EEPD1: variants seen among roughly 807,000 people sequenced by gnomAD.
The protein encoded by EEPD1 is endonuclease/exonuclease/phosphatase family domain containing 1, also known as endonuclease/exonuclease/phosphatase family domain-containing protein 1.
EEPD1 carries 17 observed loss-of-function variants against 46.3 expected under a neutral mutation model. The observed-to-expected ratio is 0.37, with a 90% CI of 0.25 to 0.55. The LOEUF (loss-of-function observed/expected upper bound fraction) is 0.55, where lower values mean the gene tolerates loss of function less well. EEPD1 is among the 20% of genes least tolerant of loss of function. The probability of loss-of-function intolerance (pLI) is 0.83; values close to 1 mark genes in which losing one functional copy is unlikely to be tolerated. For synonymous variants in EEPD1, 313 were observed against 315.6 expected (o/e 0.99, Z 0.09); for missense variants, 673 against 745.6 (o/e 0.90, Z 1.13).
chr7:36,250,851 A>C (rs17274258), intron 3 of EEPD1, among the ~76,000 whole-genome samples: 12,707 of 152,170 alleles, frequency 0.084, 697 homozygotes, highest in East Asian at 0.19. Context: ...TCAGGTTCAT[A>C]CTTCTTGACA....
intron 1 of EEPD1, 143 bp from the exon 2 acceptor site, chr7:36,153,990 G>A: frequency 2.7e-6 from 1 of 368,354 alleles, no homozygotes; most frequent in Non-Finnish European, 5.0e-6. Flanking sequence ...CATGGGCCTA[G>A]CCTCATTGTG....
At chr7:36,186,482 T>C (rs1280765986) in intron 2 of EEPD1, among the ~76,000 whole-genome samples, 1 of 152,212 alleles carries the variant, frequency 6.6e-6, no homozygotes, top group Non-Finnish European at 1.5e-5. Flanking sequence ...ATGGAAGTCT[T>C]AGAGGATTCT....
chr7:36,210,907 C>T (rs371849853), intron 2 of EEPD1, among the ~76,000 whole-genome samples: 69 of 152,276 alleles, frequency 4.5e-4, no homozygotes, highest in African/African-American at 1.6e-3. Flanking sequence ...AGTGTGGTGG[C>T]TCAGAGCATA....
intron 2 of EEPD1, among the ~76,000 whole-genome samples, chr7:36,175,189 T>C (rs1028018574): frequency 2.2e-4 from 34 of 152,246 alleles, no homozygotes; most frequent in African/African-American, 8.2e-4. Context: ...GAGAAACCTT[T>C]AGGCTGAACT....
chr7:36,269,217 G>C (rs1787066639), intron 3 of EEPD1, among the ~76,000 whole-genome samples: 1 of 152,164 alleles, frequency 6.6e-6, no homozygotes, highest in Non-Finnish European at 1.5e-5. Context: ...AATACAGGTT[G>C]ATGTCAAGAC....
chr7:36,154,028 C>T lies in EEPD1; in HGVS notation c.-192-105C>T, dbSNP rs1246671752. On this transcript the variant is annotated intron_variant, in intron 1 of 7. Transcript: ENST00000242108. This position sits in a 1 kb window ranked among gnomAD's most constrained non-coding sequence, Gnocchi z 4.2. ...TGCGTTTTTAGGGGTTCACGGGCAGCCACCAGTCCCCGACTCCTGGTTACT... is the reference window on the plus strand; with the variant it reads ...TGCGTTTTTAGGGGTTCACGGGCAGTCACCAGTCCCCGACTCCTGGTTACT... The T allele has an allele frequency of 1.1e-5, 5 of 437,882 alleles. No individual in the cohort carries two copies. The highest frequency in any genetic ancestry group is 2.1e-5 in the Non-Finnish European group (5 of 242,128). The allele number at this position is 437,882 out of a possible 1,614,324, so 27.1% of individuals were successfully genotyped here. A position where few individuals can be genotyped will look rare whatever the true frequency, so the allele number is the denominator to read the frequency against.
intron 7 of EEPD1, among the ~76,000 whole-genome samples, chr7:36,298,271 C>G (rs1254265109): frequency 6.6e-6 from 1 of 152,194 alleles, no homozygotes; most frequent in African/African-American, 2.4e-5. Flanking sequence ...GCTGAGCCAA[C>G]AGGGCTGGAA....
At chr7:36,205,346 A>G (rs1026797109) in intron 2 of EEPD1, among the ~76,000 whole-genome samples, 1 of 152,250 alleles carries the variant, frequency 6.6e-6, no homozygotes, top group Non-Finnish European at 1.5e-5. Context: ...AGAATCATTT[A>G]ATAGACAAAC....
At chr7:36,239,122 ACAGC>A (rs1416384580) in intron 3 of EEPD1, 86 bp downstream of exon 3, 1 of 1,297,398 alleles carries the variant, frequency 7.7e-7, no homozygotes, top group Non-Finnish European at 1.1e-6. Context: ...GTCACCAGAG[ACAGC>A]CCCTACTGAA....
chr7:36,255,618 A>C (rs1026114413), intron 3 of EEPD1, among the ~76,000 whole-genome samples: 5 of 152,176 alleles, frequency 3.3e-5, no homozygotes, highest in African/African-American at 9.7e-5. Context: ...ATTTGCGTAC[A>C]AGTGTTTATA....
intron 2 of EEPD1, among the ~76,000 whole-genome samples, chr7:36,195,665 G>A (rs1325483442): frequency 6.6e-6 from 1 of 152,148 alleles, no homozygotes; most frequent in Non-Finnish European, 1.5e-5. Context: ...GGAGGGATAA[G>A]TTCAGGAGAT....
intron 2 of EEPD1, among the ~76,000 whole-genome samples, chr7:36,210,191 C>T: frequency 6.6e-6 from 1 of 151,888 alleles, no homozygotes. Flanking sequence ...TAATAAGGGC[C>T]CAGAAATACA....
intron 3 of EEPD1, among the ~76,000 whole-genome samples, chr7:36,263,460 C>G (rs1436321409): frequency 6.6e-6 from 1 of 152,194 alleles, no homozygotes; most frequent in Non-Finnish European, 1.5e-5. Flanking sequence ...GTGGCTTCCT[C>G]CACAAGGAGA....
At position 36,217,866 on chromosome 7, in the gene EEPD1, A is replaced by G. The variant is rs561781795; in HGVS notation, c.879-21119A>G. Reference sequence around the variant, plus strand: ...CCTTGCTAAGAGGTGAAAGGTCAGCAGTGAATGCCAAAGGAGGAATTTTGG... The same window carrying G: ...CCTTGCTAAGAGGTGAAAGGTCAGCGGTGAATGCCAAAGGAGGAATTTTGG... On this transcript the variant is annotated intron_variant, in intron 2 of 7. Transcript: ENST00000242108. Among the ~76,000 whole-genome samples, 540 of 152,354 alleles carry G rather than the reference A, an allele frequency of 3.5e-3. 4 individuals are homozygous for G. The highest frequency in any genetic ancestry group is 0.012 in the African/African-American group (507 of 41,576).
chr7:36,292,440 T>A (rs1245531043), intron 6 of EEPD1, among the ~76,000 whole-genome samples: 3 of 151,738 alleles, frequency 2.0e-5, no homozygotes, highest in Non-Finnish European at 4.4e-5. Flanking sequence ...TCTCTCTCTC[T>A]GTCTCTCCCT....
intron 5 of EEPD1, among the ~76,000 whole-genome samples, chr7:36,285,314 C>T (rs1264886272): frequency 6.6e-6 from 1 of 152,192 alleles, no homozygotes; most frequent in Non-Finnish European, 1.5e-5. Context: ...TTCTTATCGG[C>T]TGCATCTCAG....
intron 6 of EEPD1, among the ~76,000 whole-genome samples, chr7:36,290,601 G>A (rs570180111): frequency 1.3e-5 from 2 of 152,276 alleles, no homozygotes; most frequent in Admixed American, 1.3e-4. Context: ...GTGCATGCAG[G>A]CTGACGTCAG....
chr7:36,154,628 A>G lies in EEPD1; in HGVS notation c.304A>G (p.Ser102Gly). The stretch of plus-strand genomic sequence containing the variant: ...GGTCAAGTTTGAGATCTGTGTGAGC[A>G]GCAAGGGCAGCTCAGCGCAGCACTC... The part of the protein sequence containing the change: ...EQVKFEICVS[S>G]KGSSAQHSPS... Residue 102 changes from serine to glycine, a missense_variant, in exon 2 of 8, where the codon AGC becomes GGC. Physicochemically the swap from Ser to Gly is moderately conservative, Grantham distance 56. Coordinates refer to ENST00000242108, the MANE Select transcript of EEPD1 (RefSeq NM_030636.3). This position sits in a 1 kb window ranked among gnomAD's most constrained non-coding sequence, Gnocchi z 4.2. 6.2e-7 allele frequency: 1 copy of G among 1,614,034 alleles called. No individual in the cohort carries two copies. The highest frequency in any genetic ancestry group is 8.5e-7 in the Non-Finnish European group (1 of 1,180,010).
At chr7:36,281,266 T>C (rs753670691) in intron 4 of EEPD1, 41 bp downstream of exon 4, 2 of 1,558,634 alleles carry the variant, frequency 1.3e-6, no homozygotes, top group South Asian at 2.2e-5. Context: ...CTTCATTTAA[T>C]TTATACATAC....
Sources: gnomAD v4.1 joint callset for allele counts (sites outside exome capture counted in the v4.1 genomes callset) on GRCh38, gnomAD v4.1.1 for gene constraint, Gnocchi (gnomAD v3.1) non-coding constraint, MANE v1.5 for transcripts, NCBI Gene and HGNC (gene_info 2026-07-23, HGNC 2026-07-21) for gene names.